Variants in PEPD observed in about 807,000 individuals in gnomAD.
The protein encoded by PEPD is peptidase D, also known as xaa-Pro dipeptidase.
A neutral mutation model predicts 60.7 loss-of-function variants in PEPD; 53 were observed. The observed-to-expected ratio is 0.87, with a 90% CI of 0.70 to 1.10. The LOEUF (loss-of-function observed/expected upper bound fraction) is 1.10, where lower values mean the gene tolerates loss of function less well. Among genes scored for constraint, PEPD ranks in the 50% least tolerant of loss-of-function variants. The probability of loss-of-function intolerance (pLI) is 0.00; values close to 1 mark genes in which losing one functional copy is unlikely to be tolerated. For missense variants in PEPD, 711 were observed against 711.9 expected (o/e 1.00, Z 0.01); for synonymous variants, 267 against 284.1 (o/e 0.94, Z 0.60).
chr19:33,465,366 A>G (rs1478861213), intron 7 of PEPD, among the ~76,000 whole-genome samples: 1 of 152,134 alleles, frequency 6.6e-6, no homozygotes, highest in African/African-American at 2.4e-5. Context: ...TTAAATTGCC[A>G]TTTACTGGGG....
intron 9 of PEPD, among the ~76,000 whole-genome samples, chr19:33,441,585 T>C (rs1485327025): frequency 1.3e-5 from 2 of 152,194 alleles, no homozygotes; most frequent in African/African-American, 4.8e-5. Flanking sequence ...GGCAGCCCTG[T>C]TCCTTCCCTT....
rs536200585 is a variant in PEPD at position 33,445,400 on chromosome 19, C to T, written c.671+17595G>A. 8.5e-5 allele frequency among the ~76,000 whole-genome samples: 13 copies of T among 152,288 alleles called. No individual in the cohort carries two copies. The East Asian group carries it at 9.6e-4, about 11-fold the overall frequency. ...GCCTCAGAATGTGACTATTTGGAGACGGTGCTTTAAACAGGTGATTAGGCT... is the reference window on the plus strand; with the variant it reads ...GCCTCAGAATGTGACTATTTGGAGATGGTGCTTTAAACAGGTGATTAGGCT... On this transcript the variant is annotated intron_variant, in intron 9 of 14. Coordinates refer to ENST00000244137, the MANE Select transcript of PEPD (RefSeq NM_000285.4).
rs751974246 is a variant in PEPD at position 33,387,439 on chromosome 19, C to G, written c.1387G>C (p.Glu463Gln). ...GTGCGGGGCACGCAGGTCAGCAGCT[C>G]TATGCCGCTGTCAGTCACCACGACG... ...EDVVVTDSGIELLTCVPRTVE... is the reference protein window; with the variant it reads ...EDVVVTDSGIQLLTCVPRTVE... Residue 463 changes from glutamate to glutamine, a missense_variant, in exon 15 of 15, where the codon GAG (glutamate) becomes CAG (glutamine). Glu to Gln is a conservative substitution (Grantham distance 29). Coordinates refer to ENST00000244137, the MANE Select transcript of PEPD (RefSeq NM_000285.4). 1.2e-6 allele frequency: 2 copies of G among 1,614,004 alleles called. No individual in the cohort carries two copies. The highest frequency in any genetic ancestry group is 1.1e-5 in the South Asian group (1 of 91,090).
At chr19:33,391,517 C>T (rs1568445388) in intron 12 of PEPD, 38 bp from the exon 13 acceptor site, 2 of 1,523,588 alleles carry the variant, frequency 1.3e-6, no homozygotes, top group African/African-American at 2.8e-5. Context: ...CCACAGAGCC[C>T]AGCAGCCAAC....
chr19:33,423,797 T>A (rs757715144), intron 9 of PEPD, among the ~76,000 whole-genome samples: 1 of 152,246 alleles, frequency 6.6e-6, no homozygotes, highest in Non-Finnish European at 1.5e-5. Context: ...TCTGGACAGA[T>A]AATTTACATT....
At chr19:33,511,890 C>T (rs1262210995) in intron 2 of PEPD, among the ~76,000 whole-genome samples, 2 of 152,146 alleles carry the variant, frequency 1.3e-5, no homozygotes, top group Admixed American at 6.5e-5. Context: ...GCAGGAGGTG[C>T]TTTTAGTAAA....
intron 6 of PEPD, among the ~76,000 whole-genome samples, 162 bp downstream of exon 6, chr19:33,489,834 A>AT (rs745418896): frequency 2.0e-5 from 3 of 152,268 alleles, no homozygotes; most frequent in South Asian, 4.2e-4. Context: ...AATCAAGGTG[A>AT]TTTTTGGCAA....
At position 33,489,845 on chromosome 19, in the gene PEPD, A is replaced by T; in HGVS notation, c.503+151T>A. 3 of 625,200 alleles carry T rather than the reference A, an allele frequency of 4.8e-6. No homozygotes were observed. In the South Asian group the frequency reaches 5.9e-5, roughly 12 times the overall value. 38.7% of individuals were successfully genotyped at this position (625,200 alleles called of 1,614,324 possible). On this transcript the variant is annotated intron_variant, in intron 6 of 14. Coordinates refer to ENST00000244137, the MANE Select transcript of PEPD (RefSeq NM_000285.4). ...GAAAAATCAAGGTGATTTTTGGCAA[A>T]TTATGCTTCTAAACATTTCCTCAAA...
intron 11 of PEPD, among the ~76,000 whole-genome samples, chr19:33,410,312 C>T (rs754846591): frequency 3.9e-5 from 6 of 152,252 alleles, no homozygotes; most frequent in Admixed American, 6.5e-5. Context: ...CCTGGGTGAG[C>T]GGGGAGCCCG....
chr19:33,445,017 G>A (rs908416838), intron 9 of PEPD, among the ~76,000 whole-genome samples: 3 of 152,194 alleles, frequency 2.0e-5, no homozygotes, highest in African/African-American at 4.8e-5. Flanking sequence ...GAAGTGCAAC[G>A]CAGGCTCCAG....
chr19:33,461,378 G>A (rs1969923870), intron 9 of PEPD, among the ~76,000 whole-genome samples: 1 of 152,056 alleles, frequency 6.6e-6, no homozygotes, highest in Non-Finnish European at 1.5e-5. Context: ...CAGGTCCCCT[G>A]GCCCCTGACC....
Position 33,519,651 on chromosome 19 carries a change from T to C in PEPD, c.17+2093A>G, listed in dbSNP as rs1446965384. 2.0e-5 allele frequency among the ~76,000 whole-genome samples: 3 copies of C among 152,210 alleles called. No individual in the cohort carries two copies. In the East Asian group the frequency reaches 5.8e-4, roughly 29 times the overall value. ...CTGGGATGGCTCTTCCCAAGGAGAC[T>C]GCCAGGCTCTGGAAGCTCCCACACC... On this transcript the variant is annotated intron_variant, in intron 1 of 14. Transcript: ENST00000244137.
intron 9 of PEPD, among the ~76,000 whole-genome samples, chr19:33,420,702 AAAAT>A (rs61576295): frequency 2.7e-5 from 4 of 149,188 alleles, no homozygotes; most frequent in Non-Finnish European, 5.9e-5. Flanking sequence ...ACTCTGTCTC[AAAAT>A]AAATAAATAA....
At chr19:33,412,271 T>C (rs1968794744) in intron 10 of PEPD, among the ~76,000 whole-genome samples, 1 of 152,062 alleles carries the variant, frequency 6.6e-6, no homozygotes. Context: ...CACCTGAGCC[T>C]GGGAAGTGGA....
At chr19:33,433,504 T>C (rs1021452599) in intron 9 of PEPD, among the ~76,000 whole-genome samples, 8 of 152,246 alleles carry the variant, frequency 5.3e-5, no homozygotes, top group Non-Finnish European at 7.3e-5. Flanking sequence ...TCAGTGGCTA[T>C]GAACTGTTAG....
In PEPD at chr19:33,431,992, C is replaced by CAAAAAAA. The variant is rs906879187; in HGVS notation, c.672-18356_672-18350dup. On this transcript the variant is annotated intron_variant, in intron 9 of 14. Transcript: ENST00000244137. Reference sequence around the variant, plus strand: ...TGGGTAACAGAGCAAGACACCACCTCAAAAAAAAAAAAAAAAAAGGGAAGA... The same window carrying CAAAAAAA: ...TGGGTAACAGAGCAAGACACCACCTCAAAAAAAAAAAAAAAAAAAAAAAAAGGGAAGA... Among the ~76,000 whole-genome samples, 117 of 77,848 alleles carry CAAAAAAA rather than the reference C, an allele frequency of 1.5e-3. 1 individual carries two copies. Among genetic ancestry groups the CAAAAAAA allele is most frequent in the African/African-American group, 3.8e-3 (80 of 21,094 alleles). 51.1% of individuals were successfully genotyped at this position (77,848 alleles called of 152,430 possible). A position where few individuals can be genotyped will look rare whatever the true frequency, so the allele number is the denominator to read the frequency against.
chr19:33,423,605 T>C (rs553422256), intron 9 of PEPD, among the ~76,000 whole-genome samples: 3 of 152,266 alleles, frequency 2.0e-5, no homozygotes, highest in Non-Finnish European at 4.4e-5. Context: ...AATATGCTTA[T>C]ATGTCTACTT....
At chr19:33,392,655 C>G (rs903866317) in intron 12 of PEPD, among the ~76,000 whole-genome samples, 1 of 152,234 alleles carries the variant, frequency 6.6e-6, no homozygotes, top group East Asian at 1.9e-4. Context: ...GTGACCTTGG[C>G]TCCCGAGGGC....
At chr19:33,469,162 C>T (rs998918295) in intron 7 of PEPD, among the ~76,000 whole-genome samples, 5 of 152,192 alleles carry the variant, frequency 3.3e-5, no homozygotes, top group African/African-American at 1.2e-4. Context: ...TGGAGCCGCC[C>T]TCTGCCTTCA....
Sources: gnomAD v4.1 joint callset for allele counts (sites outside exome capture counted in the v4.1 genomes callset) on GRCh38, gnomAD v4.1.1 for gene constraint, MANE v1.5 for transcripts, NCBI Gene and HGNC (gene_info 2026-07-23, HGNC 2026-07-21) for gene names.